PCDHGC4: variants seen among roughly 807,000 people sequenced by gnomAD.
PCDHGC4 encodes protocadherin gamma subfamily C, 4, also known as protocadherin gamma-C4.
In PCDHGC4, 15 loss-of-function variants were observed where a neutral mutation model predicts 59.7. The observed-to-expected ratio is 0.25, with a 90% CI of 0.17 to 0.39. The LOEUF is 0.39. Ranked by LOEUF, PCDHGC4 falls within the 10% of genes least tolerant of loss-of-function variation. PCDHGC4 has a pLI of 1.00. For synonymous variants in PCDHGC4, 434 were observed against 481.4 expected, an observed-to-expected ratio of 0.90 and a Z score of 1.29; for missense variants, 1,016 against 1,189.5, an observed-to-expected ratio of 0.85 and a Z score of 2.15.
Position 141,491,245 on chromosome 5 carries a change from G to A in PCDHGC4, c.2443-3562G>A, listed in dbSNP as rs1171588507. ...CACAGTGCTGCTGGTTCTGGAGGATGAGGACCCTGAGGAAATGCCCAAATC... is the reference window on the plus strand; with the variant it reads ...CACAGTGCTGCTGGTTCTGGAGGATAAGGACCCTGAGGAAATGCCCAAATC... On this transcript the variant is annotated intron_variant, in intron 1 of 3. Transcript: ENST00000306593. The surrounding 1 kb of genome is among the most constrained non-coding windows in gnomAD (Gnocchi z 6.9). 2 of 1,614,086 alleles carry A rather than the reference G, an allele frequency of 1.2e-6. No individual in the cohort carries two copies. Among genetic ancestry groups the A allele is most frequent in the East Asian group, 4.5e-5 (2 of 44,888 alleles).
At position 141,491,154 on chromosome 5, in the gene PCDHGC4, C is replaced by T. The variant is rs773308291; in HGVS notation, c.2442+3539C>T. ...CAGCCCGGGCCTTACTGGAGGATGACTCTGACACCCAGCAGGTGGTGGTCC... is the reference window on the plus strand; with the variant it reads ...CAGCCCGGGCCTTACTGGAGGATGATTCTGACACCCAGCAGGTGGTGGTCC... On this transcript the variant is annotated intron_variant, in intron 1 of 3. Coordinates refer to ENST00000306593, the MANE Select transcript of PCDHGC4 (RefSeq NM_018928.3). The surrounding 1 kb of genome is among the most constrained non-coding windows in gnomAD (Gnocchi z 6.9). The T allele has an allele frequency of 6.2e-7, 1 of 1,614,162 alleles. No homozygotes were observed. The highest frequency in any genetic ancestry group is 1.7e-5 in the Admixed American group (1 of 60,026).
At chr5:141,497,465 G>A (rs189158903) in intron 2 of PCDHGC4, among the ~76,000 whole-genome samples, 1 of 152,024 alleles carries the variant, frequency 6.6e-6, no homozygotes, top group East Asian at 1.9e-4. Flanking sequence ...TTGGAGATAT[G>A]GAGGAGAAGG....
chr5:141,502,868 T>TTTTTTTTTC (rs1298099288), intron 2 of PCDHGC4, among the ~76,000 whole-genome samples: 1 of 147,026 alleles, frequency 6.8e-6, no homozygotes, highest in Non-Finnish European at 1.5e-5. Flanking sequence ...CTCTCTGTCT[T>TTTTTTTTTC]TTTTTTTTTT....
rs376395066 is a variant in PCDHGC4 at position 141,490,681 on chromosome 5, C to G, written c.2442+3066C>G. On this transcript the variant is annotated intron_variant, in intron 1 of 3. Transcript: ENST00000306593. The surrounding 1 kb of genome is among the most constrained non-coding windows in gnomAD (Gnocchi z 5.4). ...TCTTTGCACTGTGGCTGCCTCAGATCCAGACACTGGGGATAATGCCCGCCT... is the reference window on the plus strand; with the variant it reads ...TCTTTGCACTGTGGCTGCCTCAGATGCAGACACTGGGGATAATGCCCGCCT... 2.5e-6 allele frequency: 4 copies of G among 1,613,998 alleles called. No homozygotes were observed. In the African/African-American group the frequency reaches 4.0e-5, roughly 16 times the overall value.
In PCDHGC4 at chr5:141,490,584, T is replaced by C; in HGVS notation, c.2442+2969T>C. The stretch of plus-strand genomic sequence containing the variant: ...TCAGGCTCAACATTTCAGATGTCAA[T>C]GACAATGCACCCCGCTTCAACCAGC... On this transcript the variant is annotated intron_variant, in intron 1 of 3. Coordinates refer to ENST00000306593, the MANE Select transcript of PCDHGC4 (RefSeq NM_018928.3). The surrounding 1 kb of genome is among the most constrained non-coding windows in gnomAD (Gnocchi z 5.4). 6.2e-7 allele frequency: 1 copy of C among 1,614,170 alleles called. No individual in the cohort carries two copies. Among genetic ancestry groups the C allele is most frequent in the South Asian group, 1.1e-5 (1 of 91,080 alleles).
In PCDHGC4 at chr5:141,486,667, G is replaced by A; in HGVS notation, c.1494G>A (p.Arg498=). Residue 498 remains arginine, a synonymous_variant, in exon 1 of 4, where the codon AGG becomes AGA. Coordinates refer to ENST00000306593, the MANE Select transcript of PCDHGC4 (RefSeq NM_018928.3). The surrounding 1 kb of genome is among the most constrained non-coding windows in gnomAD (Gnocchi z 5.0). ...ALISYSLLEP[R]NRDVSASSFI... ...TCTCCTACTCACTCCTGGAGCCCAG[G>A]AATCGAGATGTATCAGCTTCCTCTT... 4 of 1,613,948 alleles carry A rather than the reference G, an allele frequency of 2.5e-6. No individual in the cohort carries two copies. Among genetic ancestry groups the A allele is most frequent in the Non-Finnish European group, 3.4e-6 (4 of 1,180,014 alleles).
rs376773009 is a variant in PCDHGC4, at chr5:141,511,838, C to T, written c.*665C>T. 64 of 156,854 alleles carry T rather than the reference C, an allele frequency of 4.1e-4. No homozygotes were observed. Among genetic ancestry groups the T allele is most frequent in the Non-Finnish European group, 6.8e-4 (48 of 70,726 alleles). The allele number at this position is 156,854 out of a possible 1,614,324, so 9.7% of individuals were successfully genotyped here. A position where few individuals can be genotyped will look rare whatever the true frequency, so the allele number is the denominator to read the frequency against. ...TCTTCCCAACGCCCTGGGGACCAGTCTTCTGTTTTGTTTTTCATTGTTTGA... is the reference window on the plus strand; with the variant it reads ...TCTTCCCAACGCCCTGGGGACCAGTTTTCTGTTTTGTTTTTCATTGTTTGA... On this transcript the variant is annotated 3_prime_UTR_variant, in exon 4 of 4. Transcript: ENST00000306593.
chr5:141,493,679 G>C lies in PCDHGC4; in HGVS notation c.2443-1128G>C. On this transcript the variant is annotated intron_variant, in intron 1 of 3. Transcript: ENST00000306593. This position sits in a 1 kb window ranked among gnomAD's most constrained non-coding sequence, Gnocchi z 4.3. ...CCTTCTCCATGGCAGCCCCAGAATG[G>C]TGCTGGTGACTCCCGATACACCTGG... Among the ~76,000 whole-genome samples the C allele has an allele frequency of 6.6e-6, 1 of 152,198 alleles. No individual in the cohort carries two copies. Among genetic ancestry groups the C allele is most frequent in the African/African-American group, 2.4e-5 (1 of 41,446 alleles).
At chr5:141,492,461 G>A (rs1218833302) in intron 1 of PCDHGC4, among the ~76,000 whole-genome samples, 1 of 152,212 alleles carries the variant, frequency 6.6e-6, no homozygotes, top group East Asian at 1.9e-4. Flanking sequence ...CGCGCCTGAG[G>A]GTCCCAGATC....
In PCDHGC4 at chr5:141,490,963, G is replaced by GC; in HGVS notation, c.2442+3354dup. 6.2e-7 allele frequency: 1 copy of GC among 1,613,760 alleles called. No individual in the cohort carries two copies. On this transcript the variant is annotated intron_variant, in intron 1 of 3. Transcript: ENST00000306593. This position sits in a 1 kb window ranked among gnomAD's most constrained non-coding sequence, Gnocchi z 5.4. ...CCCACGGCCAGACTGGGAACACTCA[G>GC]CCCCCCAGCGTCTCCCTCGCTCTGC...
In PCDHGC4 at chr5:141,490,499, A is replaced by G. The variant is rs1269710790; in HGVS notation, c.2442+2884A>G. On this transcript the variant is annotated intron_variant, in intron 1 of 3. Coordinates refer to ENST00000306593, the MANE Select transcript of PCDHGC4 (RefSeq NM_018928.3). The surrounding 1 kb of genome is among the most constrained non-coding windows in gnomAD (Gnocchi z 5.4). ...TTGGACCGGGAGGCCACATCCCACT[A>G]TATCATCGAGCTGCTGGCCAGCGAT... 1.2e-6 allele frequency: 2 copies of G among 1,614,148 alleles called. No homozygotes were observed. Among genetic ancestry groups the G allele is most frequent in the Non-Finnish European group, 8.5e-7 (1 of 1,180,020 alleles).
Position 141,491,529 on chromosome 5 carries a change from G to T in PCDHGC4, c.2443-3278G>T, listed in dbSNP as rs1157770121. ...GCACGCTCAAGTACATGGAGGTGAC[G>T]CTGCGGCCCACAGACTCGCAGAGCC... On this transcript the variant is annotated intron_variant, in intron 1 of 3. Transcript: ENST00000306593. This position sits in a 1 kb window ranked among gnomAD's most constrained non-coding sequence, Gnocchi z 6.9. The T allele has an allele frequency of 6.2e-7, 1 of 1,614,040 alleles. No individual in the cohort carries two copies. The highest frequency in any genetic ancestry group is 1.1e-5 in the South Asian group (1 of 91,080).
At chr5:141,497,745 G>C (rs1475395529) in intron 2 of PCDHGC4, among the ~76,000 whole-genome samples, 1 of 152,070 alleles carries the variant, frequency 6.6e-6, no homozygotes, top group Non-Finnish European at 1.5e-5. Flanking sequence ...CGCCACGTTG[G>C]CCAGGCTGGT....
At chr5:141,499,689 CTTT>C (rs545067566) in intron 2 of PCDHGC4, among the ~76,000 whole-genome samples, 2 of 119,848 alleles carry the variant, frequency 1.7e-5, no homozygotes, top group African/African-American at 3.1e-5. Context: ...TAACAGATGA[CTTT>C]TTTTTTTTTT....
At chr5:141,505,305 C>T (rs1363643214) in intron 2 of PCDHGC4, 88 bp from the exon 3 acceptor site, 2 of 1,595,104 alleles carry the variant, frequency 1.3e-6, no homozygotes, top group Admixed American at 1.7e-5. Flanking sequence ...GGTTAGGGTA[C>T]TAGGTTTGGG....
Position 141,491,589 on chromosome 5 carries a change from C to T in PCDHGC4, c.2443-3218C>T. 6.2e-7 allele frequency: 1 copy of T among 1,613,926 alleles called. No homozygotes were observed. The highest frequency in any genetic ancestry group is 8.5e-7 in the Non-Finnish European group (1 of 1,180,024). ...GGACGTGCTTTTCACCGGCCTCGGA[C>T]GGCAGTGACTTCACTTTTCTAAGAC... On this transcript the variant is annotated intron_variant, in intron 1 of 3. Transcript: ENST00000306593. This position sits in a 1 kb window ranked among gnomAD's most constrained non-coding sequence, Gnocchi z 6.9.
At position 141,497,209 on chromosome 5, in the gene PCDHGC4, T is replaced by TG. The variant is rs11343387; in HGVS notation, c.2501+2353dup. On this transcript the variant is annotated intron_variant, in intron 2 of 3. Coordinates refer to ENST00000306593, the MANE Select transcript of PCDHGC4 (RefSeq NM_018928.3). ...GAGGCAGAGAACAATGTGAGTGTAA[T>TG]GGGGGGGGGAAGATCAGAGAAGGCT... Among the ~76,000 whole-genome samples the TG allele has an allele frequency of 1.3e-3, 196 of 151,342 alleles. 1 individual carries two copies. The South Asian group carries it at 0.02, about 15-fold the overall frequency.
Position 141,511,151 on chromosome 5 carries a change from C to G in PCDHGC4, c.2795C>G (p.Ser932Trp). The change falls in exon 4 of 4, where the codon TCG becomes TGG. Residue 932 changes from serine (S) to tryptophan (W), a missense_variant. Transcript: ENST00000306593. ...PAGGNGNKKK[S>W]GKKEKK ...GGTGGCAATGGCAACAAGAAGAAGTCGGGCAAGAAGGAGAAGAAGTAACAT... is the reference window on the plus strand; with the variant it reads ...GGTGGCAATGGCAACAAGAAGAAGTGGGGCAAGAAGGAGAAGAAGTAACAT... The G allele has an allele frequency of 6.2e-7, 1 of 1,614,152 alleles. No individual in the cohort carries two copies. Among genetic ancestry groups the G allele is most frequent in the Non-Finnish European group, 8.5e-7 (1 of 1,179,994 alleles).
At chr5:141,505,239 G>A (rs2099844708) in intron 2 of PCDHGC4, 154 bp from the exon 3 acceptor site, 1 of 886,092 alleles carries the variant, frequency 1.1e-6, no homozygotes, top group Middle Eastern at 5.9e-4. Context: ...GCTTCTGAAG[G>A]ATTGTAGAAG....
Sources: gnomAD v4.1 joint callset for allele counts (sites outside exome capture counted in the v4.1 genomes callset) on GRCh38, gnomAD v4.1.1 for gene constraint, Gnocchi (gnomAD v3.1) non-coding constraint, MANE v1.5 for transcripts, NCBI Gene and HGNC (gene_info 2026-07-23, HGNC 2026-07-21) for gene names.